The following SPATS1 variants were observed in gnomAD, a reference collection of about 807,000 sequenced individuals.
The protein encoded by SPATS1 is spermatogenesis-associated serine-rich protein 1.
Under a neutral mutation model 33.6 loss-of-function variants are expected in SPATS1, and 23 were observed. That is an observed-to-expected ratio of 0.68 (90% confidence interval 0.49 to 0.97). The LOEUF is 0.97. SPATS1 is among the 50% of genes least tolerant of loss of function. The probability of loss-of-function intolerance (pLI) is 0.00; values close to 1 mark genes in which losing one functional copy is unlikely to be tolerated. For missense variants in SPATS1, 327 were observed against 361.0 expected, an observed-to-expected ratio of 0.91 and a Z score of 0.76; for synonymous variants, 131 against 125.6, an observed-to-expected ratio of 1.04 and a Z score of -0.29.
At chr6:44,350,201 G>A (rs568734886) in intron 2 of SPATS1, among the ~76,000 whole-genome samples, 84 of 152,340 alleles carry the variant, frequency 5.5e-4, no homozygotes, top group South Asian at 5.0e-3. Flanking sequence ...CTGAGTCAGA[G>A]CCCTGGGGCC....
At position 44,368,640 on chromosome 6, in the gene SPATS1, GTTAA is replaced by G. The variant is rs372273650; in HGVS notation, c.695+147_695+150del. ...AAATTCCTTGAAAAGCTCATCTTTA[GTTAA>G]TTAATGTCTGCACACATGCATGTGT... On this transcript the variant is annotated intron_variant, in intron 6 of 8. Coordinates refer to ENST00000674044, the MANE Select transcript of SPATS1 (RefSeq NM_001372081.1). 573 of 723,836 alleles carry G rather than the reference GTTAA, an allele frequency of 7.9e-4. 1 individual carries two copies. In the African/African-American group the frequency reaches 9.1e-3, roughly 11 times the overall value. The allele number at this position is 723,836 out of a possible 1,614,324, so 44.8% of individuals were successfully genotyped here.
chr6:44,342,916 A>C lies in SPATS1; in HGVS notation c.-1+148A>C, dbSNP rs1428481469. ...TGGGGGCGGACTCGCTGGGGCTCCC[A>C]GGGCTTCCAAACCACGAAACGCCCA... On this transcript the variant is annotated intron_variant, in intron 1 of 8. Coordinates refer to ENST00000674044, the MANE Select transcript of SPATS1 (RefSeq NM_001372081.1). The C allele has an allele frequency of 4.7e-5, 58 of 1,246,296 alleles. 2 individuals carry two copies. The Middle Eastern group carries it at 6.3e-4, about 14-fold the overall frequency. 77.2% of individuals were successfully genotyped at this position (1,246,296 alleles called of 1,614,324 possible). A position where few individuals can be genotyped will look rare whatever the true frequency, so the allele number is the denominator to read the frequency against.
intron 5 of SPATS1, among the ~76,000 whole-genome samples, chr6:44,367,598 A>G (rs73439581): frequency 0.045 from 6,866 of 152,308 alleles, 425 homozygotes; most frequent in African/African-American, 0.14. Context: ...GATGGAGGTC[A>G]TGCTTCCAGC....
At chr6:44,363,137 CTT>C (rs35447842) in intron 5 of SPATS1, among the ~76,000 whole-genome samples, 2 of 146,634 alleles carry the variant, frequency 1.4e-5, no homozygotes, top group African/African-American at 2.5e-5. Flanking sequence ...GTGCCCAGCA[CTT>C]TTTTTTTTTT....
rs1407760103 is a variant in SPATS1 at position 44,379,799 on chromosome 6, C to CA, written c.*2743dup. On this transcript the variant is annotated 3_prime_UTR_variant, in exon 9 of 9. Transcript: ENST00000674044. ...AAACCATGAGTAAAAAAAAAAAACA[C>CA]AAAAAAACAAAAAAACCCTACACAA... 9.4e-5 allele frequency among the ~76,000 whole-genome samples: 14 copies of CA among 149,204 alleles called. No individual in the cohort carries two copies. Among genetic ancestry groups the CA allele is most frequent in the Non-Finnish European group, 1.8e-4 (12 of 67,296 alleles).
At chr6:44,368,635 C>A in intron 6 of SPATS1, 136 bp downstream of exon 6, 1 of 797,476 alleles carries the variant, frequency 1.3e-6, no homozygotes. Flanking sequence ...AAAAGCTCAT[C>A]TTTAGTTAAT....
intron 7 of SPATS1, among the ~76,000 whole-genome samples, chr6:44,370,317 A>T (rs1022534344): frequency 6.6e-6 from 1 of 152,180 alleles, no homozygotes; most frequent in Non-Finnish European, 1.5e-5. Context: ...TATTCAACAG[A>T]TGTAATTGAC....
rs147027350 is a variant in SPATS1 at position 44,361,318 on chromosome 6, A to G, written c.413-513A>G. On this transcript the variant is annotated intron_variant, in intron 4 of 8. Transcript: ENST00000674044. ...AGAAACTAGCCTGGGGTCTCACGACAGCTTTTCTCATTTGAAATTATCACA... is the reference window on the plus strand; with the variant it reads ...AGAAACTAGCCTGGGGTCTCACGACGGCTTTTCTCATTTGAAATTATCACA... The G allele has an allele frequency of 1.8e-3, 1,756 of 985,356 alleles. 29 individuals carry two copies. The African/African-American group carries it at 0.029, about 16-fold the overall frequency. The allele number at this position is 985,356 out of a possible 1,614,324, so 61.0% of individuals were successfully genotyped here. A position where few individuals can be genotyped will look rare whatever the true frequency, so the allele number is the denominator to read the frequency against.
chr6:44,360,156 C>T (rs117500791), intron 3 of SPATS1, among the ~76,000 whole-genome samples: 32 of 152,174 alleles, frequency 2.1e-4, no homozygotes, highest in African/African-American at 4.6e-4. Flanking sequence ...TTAGTAAAGA[C>T]GGGATCTCAC....
intron 8 of SPATS1, among the ~76,000 whole-genome samples, 155 bp from the exon 9 acceptor site, chr6:44,376,880 G>A (rs1286912957): frequency 1.3e-5 from 2 of 152,236 alleles, no homozygotes; most frequent in African/African-American, 4.8e-5. Context: ...GGAAAGGAGG[G>A]CAGGCAAAGT....
At position 44,360,446 on chromosome 6, in the gene SPATS1, C is replaced by T; in HGVS notation, c.288C>T (p.Asp96=). Residue 96 remains aspartate (D), a splice_region_variant and synonymous_variant, in exon 4 of 9, where the codon GAC becomes GAT. Transcript: ENST00000674044. The part of the protein sequence containing the change: ...PGLPRVSAYV[D]TTADLDRKLS... ...AAGAATCCTTCTGCTTTCTTTCCAG[C>T]ACCACTGCTGACTTGGATCGGAAAC... 6.2e-7 allele frequency: 1 copy of T among 1,614,080 alleles called. No homozygotes were observed. Among genetic ancestry groups the T allele is most frequent in the Non-Finnish European group, 8.5e-7 (1 of 1,180,006 alleles).
intron 3 of SPATS1, among the ~76,000 whole-genome samples, chr6:44,354,694 C>T (rs59341714): frequency 0.042 from 6,415 of 152,246 alleles, 369 homozygotes; most frequent in African/African-American, 0.13. Flanking sequence ...GATGAACCTA[C>T]ATGGATACAT....
chr6:44,360,674 T>C (rs371515009), intron 4 of SPATS1, 104 bp downstream of exon 4: 2 of 1,357,850 alleles, frequency 1.5e-6, no homozygotes. Context: ...TGTCAAGCAT[T>C]TGATGTACTT....
rs55976441 is a variant in SPATS1 at position 44,379,599 on chromosome 6, C to CAAAA, written c.*2561_*2564dup. On this transcript the variant is annotated 3_prime_UTR_variant, in exon 9 of 9. Coordinates refer to ENST00000674044, the MANE Select transcript of SPATS1 (RefSeq NM_001372081.1). ...TGGGCAACAGAGTGAGACTCTGTCT[C>CAAAA]AAAAAAAAAAAAAAAAAAAAAAAAA... Among the ~76,000 whole-genome samples, 128 of 54,752 alleles carry CAAAA rather than the reference C, an allele frequency of 2.3e-3. No individual in the cohort carries two copies. The highest frequency in any genetic ancestry group is 4.1e-3 in the African/African-American group (54 of 13,152). 35.9% of individuals were successfully genotyped at this position (54,752 alleles called of 152,430 possible).
At chr6:44,366,979 C>T (rs142409527) in intron 5 of SPATS1, among the ~76,000 whole-genome samples, 187 of 152,288 alleles carry the variant, frequency 1.2e-3, no homozygotes, top group African/African-American at 4.4e-3. Context: ...AACTCAGGTG[C>T]GACAGACTCC....
intron 3 of SPATS1, among the ~76,000 whole-genome samples, chr6:44,358,356 A>T (rs531993044): frequency 4.1e-4 from 62 of 152,354 alleles, no homozygotes; most frequent in African/African-American, 1.5e-3. Context: ...TTTTCAGCTG[A>T]CACCTATAAT....
intron 7 of SPATS1, among the ~76,000 whole-genome samples, chr6:44,371,043 C>G (rs956354815): frequency 6.6e-6 from 1 of 151,180 alleles, no homozygotes; most frequent in African/African-American, 2.4e-5. Context: ...CCTATAATCC[C>G]AGCACTTTGG....
intron 5 of SPATS1, among the ~76,000 whole-genome samples, chr6:44,367,668 T>C (rs1159153234): frequency 2.0e-5 from 3 of 152,186 alleles, no homozygotes; most frequent in Non-Finnish European, 4.4e-5. Flanking sequence ...CTTATTCTCT[T>C]AGGAGATGCA....
intron 3 of SPATS1, among the ~76,000 whole-genome samples, chr6:44,356,854 T>C (rs1303032666): frequency 2.6e-5 from 4 of 152,212 alleles, no homozygotes; most frequent in Non-Finnish European, 5.9e-5. Context: ...GTCTAGCCTA[T>C]ACTCAAAGAG....
Sources: allele counts gnomAD v4.1 joint callset (sites outside exome capture counted in the v4.1 genomes callset), GRCh38; gene constraint gnomAD v4.1.1; transcripts MANE v1.5; gene names NCBI Gene and HGNC (gene_info 2026-07-23, HGNC 2026-07-21).